NOX3: variants seen among roughly 807,000 people sequenced by gnomAD.
NOX3 encodes NADPH oxidase catalytic subunit-like 3.
In NOX3, 74 loss-of-function variants were observed where a neutral mutation model predicts 76.7. The observed-to-expected ratio is 0.96, with a 90% CI of 0.80 to 1.17. The LOEUF (loss-of-function observed/expected upper bound fraction) is 1.17, where lower values mean the gene tolerates loss of function less well. NOX3 is among the 50% of genes most tolerant of loss of function. NOX3 has a pLI of 0.00. For synonymous variants in NOX3, 263 were observed against 261.1 expected, an observed-to-expected ratio of 1.01 and a Z score of -0.07; for missense variants, 695 against 703.3, an observed-to-expected ratio of 0.99 and a Z score of 0.13.
At chr6:155,450,215 G>A (rs1404840100) in intron 4 of NOX3, among the ~76,000 whole-genome samples, 3 of 152,136 alleles carry the variant, frequency 2.0e-5, no homozygotes, top group Non-Finnish European at 4.4e-5. Context: ...GAAGGGGGCC[G>A]GAGAGAACAC....
At position 155,443,429 on chromosome 6, in the gene NOX3, G is replaced by T; in HGVS notation, c.341-11C>A. On this transcript the variant is annotated splice_polypyrimidine_tract_variant and intron_variant, in intron 4 of 13. Transcript: ENST00000159060. Reference sequence around the variant, plus strand: ...CCACGATGTGGATGGCTAGGACAAGGAGATGACACCAAACATGCACCCTGT... The same window carrying T: ...CCACGATGTGGATGGCTAGGACAAGTAGATGACACCAAACATGCACCCTGT... The T allele has an allele frequency of 6.2e-7, 1 of 1,613,312 alleles. No individual in the cohort carries two copies. Among genetic ancestry groups the T allele is most frequent in the South Asian group, 1.1e-5 (1 of 90,994 alleles).
chr6:155,420,031 T>C (rs1776669678), intron 10 of NOX3, among the ~76,000 whole-genome samples: 1 of 152,150 alleles, frequency 6.6e-6, no homozygotes, highest in African/African-American at 2.4e-5. Context: ...TATGTGTATA[T>C]ATATATATGT....
At position 155,454,872 on chromosome 6, in the gene NOX3, C is replaced by T. The variant is rs746601999; in HGVS notation, c.194G>A (p.Cys65Tyr). The change falls in exon 3 of 14, where the codon TGC becomes TAC. Residue 65 changes from cysteine to tyrosine, a missense_variant. By Grantham distance (194) the Cys-to-Tyr change is radical. Coordinates refer to ENST00000159060, the MANE Select transcript of NOX3 (RefSeq NM_015718.3). ...ACTGACAGGTATTAGAATTAGCATG[C>T]AGTTAAAATTCAGGCACAGTGCGGA... ...RASALCLNFN[C>Y]MLILIPVSRN... 6.2e-7 allele frequency: 1 copy of T among 1,610,092 alleles called. No homozygotes were observed. The highest frequency in any genetic ancestry group is 1.7e-5 in the Admixed American group (1 of 58,510).
At position 155,445,981 on chromosome 6, in the gene NOX3, C is replaced by A. The variant is rs1018553357; in HGVS notation, c.341-2563G>T. Among the ~76,000 whole-genome samples, 381 of 104,106 alleles carry A rather than the reference C, an allele frequency of 3.7e-3. 4 individuals are homozygous for A. The highest frequency in any genetic ancestry group is 0.012 in the African/African-American group (365 of 29,204). 68.3% of individuals were successfully genotyped at this position (104,106 alleles called of 152,430 possible). ...GCTATATATATATAATATATATATG[C>A]TATATATATATATATAATATATATA... On this transcript the variant is annotated intron_variant, in intron 4 of 13. Coordinates refer to ENST00000159060, the MANE Select transcript of NOX3 (RefSeq NM_015718.3).
chr6:155,429,123 T>C, intron 8 of NOX3, 76 bp from the exon 9 acceptor site: 1 of 1,382,986 alleles, frequency 7.2e-7, no homozygotes, highest in Non-Finnish European at 9.6e-7. Flanking sequence ...ATCAAAGGTG[T>C]TGAAAATTTT....
chr6:155,398,135 C>A (rs1342458982), intron 12 of NOX3, among the ~76,000 whole-genome samples: 2 of 152,150 alleles, frequency 1.3e-5, no homozygotes, highest in Non-Finnish European at 2.9e-5. Context: ...CTAGTATAAG[C>A]TGAATTAGTT....
chr6:155,443,045 A>C (rs960980105), intron 5 of NOX3, among the ~76,000 whole-genome samples: 11 of 152,190 alleles, frequency 7.2e-5, no homozygotes, highest in Non-Finnish European at 1.5e-4. Flanking sequence ...GTGTATATAT[A>C]TATAAATTAA....
chr6:155,427,025 GT>G (rs1776766105), intron 9 of NOX3, among the ~76,000 whole-genome samples: 1 of 146,240 alleles, frequency 6.8e-6, no homozygotes, highest in Non-Finnish European at 1.5e-5. Flanking sequence ...GTGTGTGTGT[GT>G]GTGCTGGGGG....
intron 12 of NOX3, among the ~76,000 whole-genome samples, chr6:155,405,564 C>T (rs1776440121): frequency 6.6e-6 from 1 of 152,130 alleles, no homozygotes; most frequent in Non-Finnish European, 1.5e-5. Context: ...GGATGTATGA[C>T]AGGCATCATA....
intron 5 of NOX3, among the ~76,000 whole-genome samples, chr6:155,441,070 T>C (rs1349514342): frequency 6.6e-6 from 1 of 152,240 alleles, no homozygotes; most frequent in Non-Finnish European, 1.5e-5. Context: ...GCCAGAATTC[T>C]GACCTGTGAG....
intron 12 of NOX3, among the ~76,000 whole-genome samples, chr6:155,399,676 T>A (rs1779196589): frequency 6.6e-6 from 1 of 151,814 alleles, no homozygotes; most frequent in South Asian, 2.1e-4. Flanking sequence ...ATACTGTGAA[T>A]CACAGGGCAG....
At chr6:155,415,199 A>G (rs1776608791) in intron 10 of NOX3, among the ~76,000 whole-genome samples, 1 of 152,180 alleles carries the variant, frequency 6.6e-6, no homozygotes. Context: ...TCAGCAGCAC[A>G]TAGGGACCAG....
At chr6:155,435,442 C>T (rs954062356) in intron 7 of NOX3, among the ~76,000 whole-genome samples, 2 of 152,152 alleles carry the variant, frequency 1.3e-5, no homozygotes, top group South Asian at 2.1e-4. Context: ...ATGGGCATAT[C>T]TATTCCGGTT....
intron 12 of NOX3, among the ~76,000 whole-genome samples, chr6:155,398,481 C>T (rs945640142): frequency 1.5e-4 from 23 of 152,182 alleles, no homozygotes; most frequent in African/African-American, 5.6e-4. Flanking sequence ...TGTTCCAGGA[C>T]CATCACATCC....
chr6:155,452,530 A>G (rs1241306176), intron 4 of NOX3, among the ~76,000 whole-genome samples: 1 of 152,012 alleles, frequency 6.6e-6, no homozygotes, highest in Non-Finnish European at 1.5e-5. Context: ...TCTTCCCCTC[A>G]TGTCTCACTG....
intron 4 of NOX3, among the ~76,000 whole-genome samples, chr6:155,445,981 C>CTATG (rs1554264836): frequency 9.6e-6 from 1 of 104,200 alleles, no homozygotes; most frequent in African/African-American, 3.4e-5. Context: ...TATATATATG[C>CTATG]TATATATATA....
chr6:155,438,109 G>A (rs570669930), intron 6 of NOX3, among the ~76,000 whole-genome samples: 12 of 152,100 alleles, frequency 7.9e-5, no homozygotes, highest in Non-Finnish European at 1.5e-4. Context: ...GTATGTTTAG[G>A]GGGGTAAGCA....
intron 12 of NOX3, among the ~76,000 whole-genome samples, chr6:155,405,628 G>A (rs924287385): frequency 1.3e-5 from 2 of 152,130 alleles, no homozygotes; most frequent in Non-Finnish European, 2.9e-5. Flanking sequence ...CCAACCAGCT[G>A]CTCCTCTTAA....
At chr6:155,423,285 C>T (rs1380136989) in intron 9 of NOX3, among the ~76,000 whole-genome samples, 1 of 152,204 alleles carries the variant, frequency 6.6e-6, no homozygotes, top group Admixed American at 6.5e-5. Flanking sequence ...TTTCCTCTTC[C>T]TAATGTCATT....
Sources: gnomAD v4.1 joint callset for allele counts (sites outside exome capture counted in the v4.1 genomes callset) on GRCh38, gnomAD v4.1.1 for gene constraint, MANE v1.5 for transcripts, NCBI Gene and HGNC (gene_info 2026-07-23, HGNC 2026-07-21) for gene names.